MTHFD1L: variants seen among roughly 807,000 people sequenced by gnomAD.
MTHFD1L encodes methylenetetrahydrofolate dehydrogenase (NADP+ dependent) 1 like.
Under a neutral mutation model 119.5 loss-of-function variants are expected in MTHFD1L, and 81 were observed. The observed-to-expected ratio is 0.68, with a 90% CI of 0.57 to 0.82. The LOEUF is 0.82. Among genes scored for constraint, MTHFD1L ranks in the 40% least tolerant of loss-of-function variants. The pLI is 0.00. For synonymous variants in MTHFD1L, 430 were observed against 475.2 expected, an observed-to-expected ratio of 0.90 and a Z score of 1.24; for missense variants, 1,125 against 1,253.4, an observed-to-expected ratio of 0.90 and a Z score of 1.55.
intron 26 of MTHFD1L, among the ~76,000 whole-genome samples, chr6:151,052,806 A>G (rs1789267150): frequency 6.6e-6 from 1 of 152,204 alleles, no homozygotes; most frequent in South Asian, 2.1e-4. Flanking sequence ...GCAGAAAAGC[A>G]AAACTTCCAG....
intron 12 of MTHFD1L, among the ~76,000 whole-genome samples, chr6:150,938,473 T>C (rs547587241): frequency 1.3e-5 from 2 of 149,998 alleles, no homozygotes; most frequent in Admixed American, 1.3e-4. Flanking sequence ...ATTTTTACCT[T>C]TTTTTTTTAA....
intron 20 of MTHFD1L, among the ~76,000 whole-genome samples, chr6:150,981,284 A>G (rs2128420045): frequency 6.6e-6 from 1 of 152,276 alleles, no homozygotes; most frequent in East Asian, 1.9e-4. Context: ...TGCTTTGCAA[A>G]TATATGATGT....
At chr6:151,055,395 C>A (rs1339120197) in intron 26 of MTHFD1L, among the ~76,000 whole-genome samples, 1 of 152,164 alleles carries the variant, frequency 6.6e-6, no homozygotes, top group Admixed American at 6.5e-5. Flanking sequence ...AAATCTCCAT[C>A]TCGGTTTTAC....
chr6:150,981,457 T>C (rs1463453970), intron 20 of MTHFD1L, among the ~76,000 whole-genome samples: 1 of 152,226 alleles, frequency 6.6e-6, no homozygotes, highest in African/African-American at 2.4e-5. Context: ...GGCACCTCAT[T>C]GCACATTAGA....
chr6:150,968,771 C>A (rs1300380640), intron 19 of MTHFD1L, among the ~76,000 whole-genome samples: 2 of 151,670 alleles, frequency 1.3e-5, no homozygotes. Flanking sequence ...CCGCCTGAGC[C>A]CCCAAAGTGC....
intron 4 of MTHFD1L, among the ~76,000 whole-genome samples, chr6:150,881,645 CT>C (rs1265560252): frequency 3.9e-5 from 6 of 152,076 alleles, no homozygotes; most frequent in Admixed American, 3.9e-4. Flanking sequence ...CCCACTGAAC[CT>C]TTATTTTTCT....
intron 11 of MTHFD1L, among the ~76,000 whole-genome samples, chr6:150,931,691 A>G (rs60205375): frequency 0.017 from 2,579 of 152,318 alleles, 65 homozygotes; most frequent in African/African-American, 0.059. Flanking sequence ...CAGTGGTGCT[A>G]TTCAACAAGA....
chr6:150,956,884 G>A (rs920406533), intron 17 of MTHFD1L, among the ~76,000 whole-genome samples: 28 of 151,632 alleles, frequency 1.8e-4, no homozygotes, highest in African/African-American at 6.5e-4. Flanking sequence ...ACTTAAGTTC[G>A]TGGACCTCGT....
chr6:150,982,971 A>AT (rs1283755708), intron 20 of MTHFD1L, among the ~76,000 whole-genome samples: 1 of 152,212 alleles, frequency 6.6e-6, no homozygotes, highest in African/African-American at 2.4e-5. Context: ...AAGTACTGGG[A>AT]TTACAGGCAT....
intron 7 of MTHFD1L, among the ~76,000 whole-genome samples, chr6:150,895,711 G>T (rs1473159272): frequency 6.8e-6 from 1 of 147,814 alleles, no homozygotes; most frequent in Non-Finnish European, 1.5e-5. Context: ...TTTTAAAAGT[G>T]AATTGGAAAA....
intron 20 of MTHFD1L, among the ~76,000 whole-genome samples, chr6:151,004,940 T>C (rs1584075989): frequency 6.6e-6 from 1 of 152,360 alleles, no homozygotes. Context: ...CTACGTGATA[T>C]GCCTTTCAGC....
At chr6:151,044,596 C>T (rs762587021) in intron 26 of MTHFD1L, among the ~76,000 whole-genome samples, 2 of 152,128 alleles carry the variant, frequency 1.3e-5, no homozygotes, top group African/African-American at 2.4e-5. Flanking sequence ...CCACTGCGCC[C>T]GGCCAACTAC....
intron 5 of MTHFD1L, among the ~76,000 whole-genome samples, chr6:150,884,972 G>GTGTAACTCTAGGGA (rs1439301226): frequency 1.3e-5 from 2 of 152,116 alleles, no homozygotes; most frequent in African/African-American, 4.8e-5. Context: ...CCATGCTTCT[G>GTGTAACTCTAGGGA]TGTAACTCTA....
At position 150,999,110 on chromosome 6, in the gene MTHFD1L, T is replaced by C. The variant is rs149409386; in HGVS notation, c.2126-10709T>C. 1.1e-3 allele frequency among the ~76,000 whole-genome samples: 161 copies of C among 152,220 alleles called. 1 individual carries two copies. The highest frequency in any genetic ancestry group is 3.5e-3 in the African/African-American group (147 of 41,544). ...ACCCCAAGATATCTCGTTATGTATATGCAAATATTACAAAATCTGAAAAAA... is the reference window on the plus strand; with the variant it reads ...ACCCCAAGATATCTCGTTATGTATACGCAAATATTACAAAATCTGAAAAAA... On this transcript the variant is annotated intron_variant, in intron 20 of 27. Transcript: ENST00000367321.
chr6:150,869,381 C>T (rs6557098), intron 1 of MTHFD1L, among the ~76,000 whole-genome samples: 82,258 of 151,850 alleles, frequency 0.54, 23,811 homozygotes, highest in African/African-American at 0.76. Context: ...CCTGGGTCCA[C>T]GTGTTCTTAT....
At chr6:150,961,797 TTGCTATAAAAGTGC>T (rs1347292073) in intron 18 of MTHFD1L, among the ~76,000 whole-genome samples, 2 of 152,180 alleles carry the variant, frequency 1.3e-5, no homozygotes, top group Non-Finnish European at 2.9e-5. Flanking sequence ...AACCCTCAGG[TTGCTATAAAAGTGC>T]TGCTTTATTA....
chr6:151,019,318 C>T (rs17080705), intron 24 of MTHFD1L, among the ~76,000 whole-genome samples: 34,885 of 152,118 alleles, frequency 0.23, 4,329 homozygotes, highest in Middle Eastern at 0.3. Flanking sequence ...TCACAAAGTG[C>T]GGCTCTTTTC....
rs57961829 is a variant in MTHFD1L at position 150,916,737 on chromosome 6, C to CTTTTTTTTTTTTT, written c.893-1810_893-1798dup. ...TTTTGATGGAAAATTGATTCTATCC[C>CTTTTTTTTTTTTT]TTTTTTTTTTTTTTTTTTTTTTTTT... On this transcript the variant is annotated intron_variant, in intron 8 of 27. Transcript: ENST00000367321. Among the ~76,000 whole-genome samples, 5 of 72,114 alleles carry CTTTTTTTTTTTTT rather than the reference C, an allele frequency of 6.9e-5. 1 individual carries two copies. The highest frequency in any genetic ancestry group is 1.7e-4 in the African/African-American group (4 of 22,894). 47.3% of individuals were successfully genotyped at this position (72,114 alleles called of 152,430 possible).
chr6:150,954,091 A>G (rs989990543), intron 16 of MTHFD1L, among the ~76,000 whole-genome samples: 2 of 152,260 alleles, frequency 1.3e-5, no homozygotes, highest in Non-Finnish European at 2.9e-5. Flanking sequence ...GGGAACAGCC[A>G]TAGGCCAAGA....
Sources: allele counts gnomAD v4.1 joint callset (sites outside exome capture counted in the v4.1 genomes callset), GRCh38; gene constraint gnomAD v4.1.1; transcripts MANE v1.5; gene names NCBI Gene and HGNC (gene_info 2026-07-23, HGNC 2026-07-21).